The following TOP6BL variants were observed in gnomAD, a reference collection of about 807,000 sequenced individuals.
TOP6BL encodes type 2 DNA topoisomerase 6 subunit B-like.
chr11:66,816,561 T>A, the TOP6BL span, among the ~76,000 whole-genome samples: 1 of 152,082 alleles, frequency 6.6e-6, no homozygotes, highest in Admixed American at 6.6e-5. Flanking sequence ...TAGGGTTCAG[T>A]ATGTTTTTAA....
At chr11:66,749,162 T>C in the TOP6BL span, among the ~76,000 whole-genome samples, 1 of 152,134 alleles carries the variant, frequency 6.6e-6, no homozygotes, top group African/African-American at 2.4e-5. Flanking sequence ...GATTGGATAG[T>C]GAACTAGGCT....
chr11:66,784,436 A>G, the TOP6BL span, among the ~76,000 whole-genome samples: 1 of 152,214 alleles, frequency 6.6e-6, no homozygotes, highest in Non-Finnish European at 1.5e-5. Context: ...TGCTGGGACT[A>G]TAGGCATGAG....
the TOP6BL span, chr11:66,838,440 T>C: frequency 6.2e-7 from 1 of 1,612,744 alleles, no homozygotes; most frequent in Non-Finnish European, 8.5e-7. Context: ...CTGGAGCTCC[T>C]AGCAGGTAAG....
At chr11:66,835,070 G>A in the TOP6BL span, among the ~76,000 whole-genome samples, 1 of 152,156 alleles carries the variant, frequency 6.6e-6, no homozygotes, top group Non-Finnish European at 1.5e-5. Context: ...CCCATAGAAT[G>A]TTAAATCCAA....
the TOP6BL span, chr11:66,821,764 G>A: frequency 6.2e-7 from 1 of 1,613,102 alleles, no homozygotes. Context: ...AGGCTGCCAA[G>A]GTAATAAGGA....
At chr11:66,813,502 A>G in the TOP6BL span, among the ~76,000 whole-genome samples, 5 of 152,156 alleles carry the variant, frequency 3.3e-5, no homozygotes, top group African/African-American at 4.8e-5. Context: ...TGGGAGGCCG[A>G]GGTGGGCAGA....
At chr11:66,767,622 T>C in the TOP6BL span, among the ~76,000 whole-genome samples, 2 of 152,198 alleles carry the variant, frequency 1.3e-5, no homozygotes, top group Admixed American at 6.5e-5. Context: ...TTTTCCCAAA[T>C]AAAATTTACA....
At chr11:66,773,937 C>CA in the TOP6BL span, among the ~76,000 whole-genome samples, 1 of 152,086 alleles carries the variant, frequency 6.6e-6, no homozygotes, top group Non-Finnish European at 1.5e-5. Context: ...CCATGTTGGC[C>CA]AGGCTGGTCT....
At chr11:66,803,900 A>G in the TOP6BL span, 3 of 970,162 alleles carry the variant, frequency 3.1e-6, no homozygotes, top group Non-Finnish European at 3.1e-6. Context: ...GTGGTTGTAC[A>G]TATGCTAGAG....
chr11:66,769,772 A>C, the TOP6BL span, among the ~76,000 whole-genome samples: 1 of 151,188 alleles, frequency 6.6e-6, no homozygotes, highest in Non-Finnish European at 1.5e-5. Context: ...ACAGAGTCTC[A>C]CTCTGTCGCC....
the TOP6BL span, among the ~76,000 whole-genome samples, chr11:66,810,398 T>C: frequency 6.6e-6 from 1 of 152,158 alleles, no homozygotes; most frequent in Non-Finnish European, 1.5e-5. Flanking sequence ...CCTTCTTGAG[T>C]ATATAAACCA....
the TOP6BL span, among the ~76,000 whole-genome samples, chr11:66,802,455 T>G: frequency 6.6e-6 from 1 of 152,022 alleles, no homozygotes; most frequent in Non-Finnish European, 1.5e-5. Flanking sequence ...GCCCAGCCCA[T>G]ATACTGCTAA....
the TOP6BL span, among the ~76,000 whole-genome samples, chr11:66,781,311 C>A: frequency 6.6e-6 from 1 of 152,034 alleles, no homozygotes; most frequent in African/African-American, 2.4e-5. Flanking sequence ...TTTACTGACT[C>A]TTCTGTCACC....
chr11:66,823,379 T>C, the TOP6BL span, among the ~76,000 whole-genome samples: 2 of 152,106 alleles, frequency 1.3e-5, no homozygotes, highest in Non-Finnish European at 2.9e-5. Flanking sequence ...TTAGAAACAT[T>C]ACTTTATTTG....
chr11:66,764,312 A>G, the TOP6BL span, among the ~76,000 whole-genome samples: 4 of 152,074 alleles, frequency 2.6e-5, no homozygotes, highest in Admixed American at 6.6e-5. Flanking sequence ...GGGAAAGATC[A>G]TTCCTAGTGG....
chr11:66,753,381 C>T, the TOP6BL span, among the ~76,000 whole-genome samples: 1 of 150,450 alleles, frequency 6.6e-6, no homozygotes, highest in Non-Finnish European at 1.5e-5. Flanking sequence ...TACTGCTGCT[C>T]ACGTTCTATT....
At chr11:66,807,917 G>A in the TOP6BL span, among the ~76,000 whole-genome samples, 16 of 152,212 alleles carry the variant, frequency 1.1e-4, no homozygotes, top group Non-Finnish European at 1.9e-4. Context: ...CACATGGACT[G>A]TATATGCTTT....
the TOP6BL span, chr11:66,788,023 T>G: frequency 1.8e-6 from 1 of 569,970 alleles, no homozygotes; most frequent in African/African-American, 1.9e-5. Context: ...CCATTTCCAG[T>G]CATATTTTAA....
At chr11:66,826,665 CT>C in the TOP6BL span, among the ~76,000 whole-genome samples, 11 of 146,598 alleles carry the variant, frequency 7.5e-5, no homozygotes, top group African/African-American at 1.3e-4. Flanking sequence ...TGGGTCACTT[CT>C]TTTTTTTTTA....
Sources: allele counts gnomAD v4.1 joint callset (sites outside exome capture counted in the v4.1 genomes callset), GRCh38; gene constraint gnomAD v4.1.1; transcripts MANE v1.5; gene names NCBI Gene and HGNC (gene_info 2026-07-23, HGNC 2026-07-21).